Variants in CASZ1 observed in about 807,000 individuals in gnomAD.
The protein encoded by CASZ1 is zinc finger protein castor homolog 1.
Under a neutral mutation model 135.2 loss-of-function variants are expected in CASZ1, and 28 were observed. The observed-to-expected ratio is 0.21, with a 90% CI of 0.15 to 0.28. The LOEUF is 0.28. CASZ1 is among the 10% of genes least tolerant of loss of function. The pLI is 1.00. For synonymous variants in CASZ1, 1,068 were observed against 1,073.4 expected (o/e 0.99, Z 0.10); for missense variants, 2,161 against 2,453.3 (o/e 0.88, Z 2.52).
At chr1:10,751,023 G>T (rs995884354) in intron 2 of CASZ1, among the ~76,000 whole-genome samples, 20 of 151,706 alleles carry the variant, frequency 1.3e-4, no homozygotes, top group African/African-American at 4.8e-4. Context: ...ACACCAGTGA[G>T]CACATGGTGA....
At chr1:10,732,741 G>T (rs1639723735) in intron 2 of CASZ1, among the ~76,000 whole-genome samples, 1 of 152,216 alleles carries the variant, frequency 6.6e-6, no homozygotes, top group Admixed American at 6.5e-5. Context: ...TGGCTCCCAT[G>T]GTGGCAGCAG....
intron 17 of CASZ1, 118 bp from the exon 18 acceptor site, chr1:10,645,206 G>A: frequency 1.2e-6 from 1 of 858,962 alleles, no homozygotes; most frequent in Non-Finnish European, 1.8e-6. Flanking sequence ...CTCAGAAGCT[G>A]ATGATCATAG....
intron 4 of CASZ1, among the ~76,000 whole-genome samples, chr1:10,689,568 T>C (rs1255046177): frequency 6.6e-6 from 1 of 152,204 alleles, no homozygotes; most frequent in Admixed American, 6.5e-5. Flanking sequence ...AGGGAGCCTT[T>C]CGGACCTGCC....
chr1:10,665,096 G>C lies in CASZ1; in HGVS notation c.492C>G (p.Thr164=). The change falls in exon 5 of 21, where the codon ACC becomes ACG. Residue 164 remains threonine, a synonymous_variant. Coordinates refer to ENST00000377022, the MANE Select transcript of CASZ1 (RefSeq NM_001079843.3). ...CCAGGCACCCACCTGAAGCCTGCCT[G>C]GTGCTGGGGCCGCTGTCCTCCTTGG... ...AASKEDSGPS[T]RQASGEASSL... 6.6e-7 allele frequency: 1 copy of C among 1,505,150 alleles called. No homozygotes were observed. The highest frequency in any genetic ancestry group is 2.3e-5 in the East Asian group (1 of 42,922). The allele number at this position is 1,505,150 out of a possible 1,614,324, so 93.2% of individuals were successfully genotyped here. A position where few individuals can be genotyped will look rare whatever the true frequency, so the allele number is the denominator to read the frequency against.
Position 10,637,808 on chromosome 1 carries a change from A to G in CASZ1, c.*1134T>C, listed in dbSNP as rs908863589. 2.8e-5 allele frequency: 4 copies of G among 145,354 alleles called. No individual in the cohort carries two copies. Among genetic ancestry groups the G allele is most frequent in the Non-Finnish European group, 4.5e-5 (3 of 66,668 alleles). 9.0% of individuals were successfully genotyped at this position (145,354 alleles called of 1,614,324 possible). On this transcript the variant is annotated 3_prime_UTR_variant, in exon 21 of 21. Transcript: ENST00000377022. ...GCGAAGAAGCATCCCAAACAAAGTA[A>G]TAAAACAAACTGGAAAAAAAAAAAA...
In CASZ1 at chr1:10,647,217, T is replaced by A; in HGVS notation, c.3497+584A>T. ...ACAGCTGCCACTCAGGCGATATAAATAATCCAATTTATTACTTTTATTGAG... is the reference window on the plus strand; with the variant it reads ...ACAGCTGCCACTCAGGCGATATAAAAAATCCAATTTATTACTTTTATTGAG... On this transcript the variant is annotated intron_variant, in intron 16 of 20. Coordinates refer to ENST00000377022, the MANE Select transcript of CASZ1 (RefSeq NM_001079843.3). This position sits in a 1 kb window ranked among gnomAD's most constrained non-coding sequence, Gnocchi z 4.9. 1.0e-6 allele frequency: 1 copy of A among 989,120 alleles called. No homozygotes were observed. The highest frequency in any genetic ancestry group is 1.2e-6 in the Non-Finnish European group (1 of 831,964). The allele number at this position is 989,120 out of a possible 1,614,324, so 61.3% of individuals were successfully genotyped here. A position where few individuals can be genotyped will look rare whatever the true frequency, so the allele number is the denominator to read the frequency against.
Position 10,639,329 on chromosome 1 carries a change from G to C in CASZ1, c.4893C>G (p.Phe1631Leu), listed in dbSNP as rs867968340. ...CCAGGCCGGCGGCCGCCGACTGCAG[G>C]AAGAGCAGCGAGCCCGGCTCGGCGC... is the stretch of plus-strand genomic sequence containing the variant. ...SLGAEPGSLL[F>L]LQSAAAGLGL... Residue 1631 changes from phenylalanine to leucine, a missense_variant, in exon 21 of 21, where the codon TTC (phenylalanine) becomes TTG (leucine). By Grantham distance (22) the Phe-to-Leu change is conservative. Around this residue, in one of 7 missense-constraint regions of CASZ1, gnomAD observed 240 missense variants for 321.4 expected, o/e 0.75. Transcript: ENST00000377022. The surrounding 1 kb of genome is among the most constrained non-coding windows in gnomAD (Gnocchi z 4.0). The C allele has an allele frequency of 6.7e-7, 1 of 1,483,814 alleles. No individual in the cohort carries two copies. Among genetic ancestry groups the C allele is most frequent in the Admixed American group, 2.4e-5 (1 of 41,914 alleles). The allele number at this position is 1,483,814 out of a possible 1,614,324, so 91.9% of individuals were successfully genotyped here.
rs1028702598 is a variant in CASZ1, at chr1:10,777,891, TCA to T, written c.-233-17036_-233-17035del. On this transcript the variant is annotated intron_variant, in intron 1 of 20. Coordinates refer to ENST00000377022, the MANE Select transcript of CASZ1 (RefSeq NM_001079843.3). This position sits in a 1 kb window ranked among gnomAD's most constrained non-coding sequence, Gnocchi z 4.4. ...CACGATCTCACACAATCACACAATT[TCA>T]CACAAAATCTCACACACAGGCACAC... is the stretch of plus-strand genomic sequence containing the variant. 2.6e-5 allele frequency among the ~76,000 whole-genome samples: 4 copies of T among 151,090 alleles called. No individual in the cohort carries two copies. Among genetic ancestry groups the T allele is most frequent in the Admixed American group, 2.6e-4 (4 of 15,188 alleles).
chr1:10,668,416 C>T (rs1643304565), intron 4 of CASZ1, among the ~76,000 whole-genome samples: 2 of 152,260 alleles, frequency 1.3e-5, no homozygotes, highest in Admixed American at 1.3e-4. Context: ...CTGCCCGCTG[C>T]TCTATTTACA....
chr1:10,711,622 T>C lies in CASZ1; in HGVS notation c.-76-6078A>G, dbSNP rs1182991185. Among the ~76,000 whole-genome samples the C allele has an allele frequency of 3.3e-5, 5 of 151,142 alleles. No homozygotes were observed. Among genetic ancestry groups the C allele is most frequent in the Non-Finnish European group, 5.9e-5 (4 of 67,902 alleles). On this transcript the variant is annotated intron_variant, in intron 2 of 20. Transcript: ENST00000377022. The surrounding 1 kb of genome is among the most constrained non-coding windows in gnomAD (Gnocchi z 4.4). ...AAAAAGAAAAACAAACAAAACCTTG[T>C]GCATGAATGTTCATAGCAGCACTAT...
Position 10,694,028 on chromosome 1 carries a change from G to C in CASZ1, c.-23-116C>G, listed in dbSNP as rs1016757213. 11 of 967,166 alleles carry C rather than the reference G, an allele frequency of 1.1e-5. No homozygotes were observed. Among genetic ancestry groups the C allele is most frequent in the Non-Finnish European group, 1.6e-5 (11 of 673,596 alleles). 59.9% of individuals were successfully genotyped at this position (967,166 alleles called of 1,614,324 possible). On this transcript the variant is annotated intron_variant, in intron 3 of 20. Transcript: ENST00000377022. This position sits in a 1 kb window ranked among gnomAD's most constrained non-coding sequence, Gnocchi z 6.6. ...CCGCCCCGCAGGAGCGGCCCGTCCC[G>C]GGCGGGCGCCGAGGCCGCGGCGGAG...
chr1:10,674,512 C>A (rs1481025483), intron 4 of CASZ1, among the ~76,000 whole-genome samples: 3 of 152,276 alleles, frequency 2.0e-5, no homozygotes, highest in African/African-American at 7.2e-5. Context: ...ACTCCAGAGA[C>A]CTGGCCCCTT....
In CASZ1 at chr1:10,756,376, G is replaced by A. The variant is rs917022793; in HGVS notation, c.-77+4325C>T. On this transcript the variant is annotated intron_variant, in intron 2 of 20. Coordinates refer to ENST00000377022, the MANE Select transcript of CASZ1 (RefSeq NM_001079843.3). The surrounding 1 kb of genome is among the most constrained non-coding windows in gnomAD (Gnocchi z 5.9). ...CCTCCATGGAGGTCAGGTCTCCAGA[G>A]TGTTCCTGGAAGGCTGGGCTGGCCC... Among the ~76,000 whole-genome samples, 2 of 152,202 alleles carry A rather than the reference G, an allele frequency of 1.3e-5. No homozygotes were observed. The highest frequency in any genetic ancestry group is 2.4e-5 in the African/African-American group (1 of 41,452).
chr1:10,725,203 T>A lies in CASZ1; in HGVS notation c.-76-19659A>T, dbSNP rs2100494157. 6.6e-6 allele frequency among the ~76,000 whole-genome samples: 1 copy of A among 152,296 alleles called. No homozygotes were observed. Among genetic ancestry groups the A allele is most frequent in the South Asian group, 2.1e-4 (1 of 4,832 alleles). ...TAAGACCAAGGAGTGACCATGTCAC[T>A]GCCCAGGGCAGCCCGGTGACCGTGG... On this transcript the variant is annotated intron_variant, in intron 2 of 20. Transcript: ENST00000377022. This position sits in a 1 kb window ranked among gnomAD's most constrained non-coding sequence, Gnocchi z 4.4.
intron 1 of CASZ1, among the ~76,000 whole-genome samples, chr1:10,770,996 A>G (rs1054319970): frequency 3.3e-5 from 5 of 152,218 alleles, no homozygotes; most frequent in African/African-American, 1.2e-4. Flanking sequence ...ATTGCCCCCA[A>G]GCATCTCCTC....
At chr1:10,673,005 G>A (rs1046395208) in intron 4 of CASZ1, among the ~76,000 whole-genome samples, 37 of 152,166 alleles carry the variant, frequency 2.4e-4, no homozygotes, top group Non-Finnish European at 4.9e-4. Flanking sequence ...AGGCAGGGAA[G>A]CCCCAGAGGA....
chr1:10,688,535 G>A (rs1211668018), intron 4 of CASZ1, among the ~76,000 whole-genome samples: 1 of 152,190 alleles, frequency 6.6e-6, no homozygotes, highest in Non-Finnish European at 1.5e-5. Flanking sequence ...AAAGCTGCAT[G>A]GTCCCTGGCT....
At chr1:10,748,886 C>G (rs1640096894) in intron 2 of CASZ1, among the ~76,000 whole-genome samples, 1 of 152,264 alleles carries the variant, frequency 6.6e-6, no homozygotes, top group East Asian at 1.9e-4. Context: ...AGATGCGAAT[C>G]AGACCTCCTG....
chr1:10,770,798 A>C (rs755620045), intron 1 of CASZ1, among the ~76,000 whole-genome samples: 4 of 152,234 alleles, frequency 2.6e-5, no homozygotes, highest in Non-Finnish European at 5.9e-5. Flanking sequence ...AGAAGGCAGT[A>C]GGCCAGGGGG....
Sources: allele counts gnomAD v4.1 joint callset (sites outside exome capture counted in the v4.1 genomes callset), GRCh38; gene constraint gnomAD v4.1.1; regional missense constraint gnomAD v4.1.1; non-coding constraint Gnocchi (gnomAD v3.1); transcripts MANE v1.5; gene names NCBI Gene and HGNC (gene_info 2026-07-23, HGNC 2026-07-21).